GLYR1: variants seen among roughly 807,000 people sequenced by gnomAD.
GLYR1 encodes the protein cytokine-like nuclear factor N-PAC.
A neutral mutation model predicts 72.7 loss-of-function variants in GLYR1; 21 were observed. That is an observed-to-expected ratio of 0.29 (90% CI 0.20 to 0.42). GLYR1 has a LOEUF of 0.42. Ranked by LOEUF, GLYR1 falls within the 10% of genes least tolerant of loss-of-function variation. The probability of loss-of-function intolerance (pLI) is 1.00; values close to 1 mark genes in which losing one functional copy is unlikely to be tolerated. For missense variants in GLYR1, 594 were observed against 712.1 expected, an observed-to-expected ratio of 0.83 and a Z score of 1.89; for synonymous variants, 392 against 270.2, an observed-to-expected ratio of 1.45 and a Z score of -4.42.
At chr16:4,811,922 C>G (rs937794802) in intron 13 of GLYR1, 120 bp from the exon 14 acceptor site, 35 of 1,414,922 alleles carry the variant, frequency 2.5e-5, no homozygotes, top group Non-Finnish European at 3.3e-5. Context: ...CACCTGCCCC[C>G]GACAGACTGG....
intron 15 of GLYR1, among the ~76,000 whole-genome samples, chr16:4,807,359 C>T (rs1437965036): frequency 2.6e-5 from 4 of 151,958 alleles, no homozygotes; most frequent in African/African-American, 4.8e-5. Flanking sequence ...GTGATCTGCC[C>T]GCCTCAGCCT....
chr16:4,807,788 C>A (rs141882186), intron 15 of GLYR1, among the ~76,000 whole-genome samples: 176 of 152,168 alleles, frequency 1.2e-3, no homozygotes, highest in African/African-American at 3.8e-3. Flanking sequence ...GAGCTTTCAT[C>A]AAAAAAGACT....
rs549278317 is a variant in GLYR1 at position 4,825,742 on chromosome 16, C to T, written c.538-1835G>A. 2.0e-5 allele frequency among the ~76,000 whole-genome samples: 3 copies of T among 152,164 alleles called. No homozygotes were observed. In the East Asian group the frequency reaches 5.8e-4, roughly 29 times the overall value. ...TCTTGGCTCACTGCAACCTCTGTCTCCTGGGTTCCAGCGATTCTCCTGCCT... is the reference window on the plus strand; with the variant it reads ...TCTTGGCTCACTGCAACCTCTGTCTTCTGGGTTCCAGCGATTCTCCTGCCT... On this transcript the variant is annotated intron_variant, in intron 5 of 15. Coordinates refer to ENST00000321919, the MANE Select transcript of GLYR1 (RefSeq NM_032569.4).
intron 5 of GLYR1, among the ~76,000 whole-genome samples, chr16:4,828,966 T>A (rs1484831260): frequency 6.6e-6 from 1 of 152,108 alleles, no homozygotes; most frequent in Non-Finnish European, 1.5e-5. Context: ...GGAAATAGCA[T>A]AAAATCTGAC....
intron 5 of GLYR1, among the ~76,000 whole-genome samples, chr16:4,827,146 C>T (rs934285906): frequency 6.6e-6 from 1 of 152,234 alleles, no homozygotes; most frequent in African/African-American, 2.4e-5. Flanking sequence ...CAGCTTTTTC[C>T]ATTAATCCTC....
At position 4,844,237 on chromosome 16, in the gene GLYR1, C is replaced by T. The variant is rs1455810821; in HGVS notation, c.155+837G>A. ...TAATACAGGTTCTTCACGTTCTTCC[C>T]GTCACTGTAACATGTTATATGGTCA... is the stretch of plus-strand genomic sequence containing the variant. On this transcript the variant is annotated intron_variant, in intron 3 of 15. Transcript: ENST00000321919. Among the ~76,000 whole-genome samples, 3 of 152,120 alleles carry T rather than the reference C, an allele frequency of 2.0e-5. No homozygotes were observed. In the East Asian group the frequency reaches 5.8e-4, roughly 29 times the overall value.
intron 15 of GLYR1, 117 bp from the exon 16 acceptor site, chr16:4,805,427 C>G (rs552105711): frequency 7.3e-6 from 6 of 822,116 alleles, no homozygotes; most frequent in East Asian, 2.6e-5. Flanking sequence ...CCCAGGCTGT[C>G]CGGTTAGGAA....
rs780981191 is a variant in GLYR1, at chr16:4,812,235, CT to C, written c.1132del (p.Arg378GlyfsTer23). The C allele has an allele frequency of 4.6e-5, 74 of 1,613,078 alleles. No homozygotes were observed. Among genetic ancestry groups the C allele is most frequent in the African/African-American group, 8.0e-5 (6 of 75,010 alleles). ...VTELAQVIVSRGGRFLEAPVS... is the reference protein window; with the variant it reads ...VTELAQVIVSXGGRFLEAPVS... ...GGGGGCTTCCAGAAAGCGCCCCCCC[CT>C]GGACACAATCACCTGGAAAGAAAAG... On this transcript the variant is annotated frameshift_variant, in exon 13 of 16. Transcript: ENST00000321919. LOFTEE classifies it high-confidence loss of function.
At chr16:4,813,892 G>A in intron 11 of GLYR1, 54 bp from the exon 12 acceptor site, 1 of 1,371,976 alleles carries the variant, frequency 7.3e-7, no homozygotes, top group Middle Eastern at 1.8e-4. Flanking sequence ...AGATGCTCAG[G>A]AGCCCTACAG....
At position 4,813,814 on chromosome 16, in the gene GLYR1, G is replaced by A. The variant is rs2083464665; in HGVS notation, c.1042C>T (p.Leu348=). ...CACTTCCCAGGGCGGATCCCTTGCA[G>A]CACACCACTGGGGCCCAGCACCAGC... ...KDLVLGPSGV[L]QGIRPGKCYV... The change falls in exon 12 of 16, where the codon CTG becomes TTG. Residue 348 remains leucine, a synonymous_variant. Transcript: ENST00000321919. The A allele has an allele frequency of 6.2e-7, 1 of 1,612,784 alleles. No homozygotes were observed. Among genetic ancestry groups the A allele is most frequent in the South Asian group, 1.1e-5 (1 of 90,774 alleles).
At chr16:4,843,733 C>A (rs2085731047) in intron 3 of GLYR1, 1 of 953,772 alleles carries the variant, frequency 1.0e-6, no homozygotes, top group African/African-American at 1.8e-5. Context: ...AGAGAAGCCA[C>A]AGACATTTTT....
At chr16:4,823,049 A>T (rs2084141720) in intron 6 of GLYR1, 118 bp from the exon 7 acceptor site, 1 of 852,126 alleles carries the variant, frequency 1.2e-6, no homozygotes, top group East Asian at 2.5e-5. Context: ...TCTCTTTTTC[A>T]CAATTGTCTG....
At chr16:4,805,555 G>C (rs903780259) in intron 15 of GLYR1, among the ~76,000 whole-genome samples, 2 of 152,204 alleles carry the variant, frequency 1.3e-5, no homozygotes, top group Non-Finnish European at 2.9e-5. Flanking sequence ...TACACTATGG[G>C]ATATAAAACA....
At chr16:4,817,876 C>G in intron 9 of GLYR1, 179 bp from the exon 10 acceptor site, 1 of 592,502 alleles carries the variant, frequency 1.7e-6, no homozygotes, top group Non-Finnish European at 3.0e-6. Flanking sequence ...TGGGTCTTCT[C>G]TTATGCCATG....
chr16:4,841,307 A>G (rs547748413), intron 3 of GLYR1, among the ~76,000 whole-genome samples: 1 of 151,958 alleles, frequency 6.6e-6, no homozygotes, highest in South Asian at 2.1e-4. Context: ...CAGTTTATTA[A>G]TCTAGTCTTT....
chr16:4,823,496 A>G (rs2084174085), intron 6 of GLYR1, among the ~76,000 whole-genome samples: 1 of 152,172 alleles, frequency 6.6e-6, no homozygotes, highest in African/African-American at 2.4e-5. Flanking sequence ...TGTTTATAAA[A>G]TATTAGGGGA....
intron 9 of GLYR1, among the ~76,000 whole-genome samples, chr16:4,818,140 G>A (rs997116625): frequency 1.2e-4 from 18 of 151,988 alleles, no homozygotes; most frequent in Non-Finnish European, 2.2e-4. Context: ...GATTACAGGC[G>A]CACGCCACCA....
In GLYR1 at chr16:4,814,592, A is replaced by G; in HGVS notation, c.962T>C (p.Val321Ala). 6.2e-7 allele frequency: 1 copy of G among 1,614,134 alleles called. No homozygotes were observed. Among genetic ancestry groups the G allele is most frequent in the Non-Finnish European group, 8.5e-7 (1 of 1,180,028 alleles). ...ARLGRTPAEV[V>A]STCDITFACV... ...GGCGAAAGTGATGTCGCAGGTTGAG[A>G]CGACTTCAGCGGGGGTTCTTCCCAG... is the stretch of plus-strand genomic sequence containing the variant. The change falls in exon 11 of 16, where the codon GTC (valine) becomes GCC (alanine). Residue 321 changes from valine (V) to alanine (A), a missense_variant. By Grantham distance (64) the Val-to-Ala change is moderately conservative. Around this residue, in one of 5 missense-constraint regions of GLYR1, gnomAD observed 266 missense variants for 358.4 expected, o/e 0.74. Coordinates refer to ENST00000321919, the MANE Select transcript of GLYR1 (RefSeq NM_032569.4).
At chr16:4,843,282 G>A (rs1028313793) in intron 3 of GLYR1, 5 of 217,870 alleles carry the variant, frequency 2.3e-5, no homozygotes, top group Non-Finnish European at 3.6e-5. Flanking sequence ...AGCCTCCCAA[G>A]TAGCTGGGAT....
Sources: allele counts gnomAD v4.1 joint callset (sites outside exome capture counted in the v4.1 genomes callset), GRCh38; gene constraint gnomAD v4.1.1; regional missense constraint gnomAD v4.1.1; transcripts MANE v1.5; gene names NCBI Gene and HGNC (gene_info 2026-07-23, HGNC 2026-07-21).